Variants in SNX30 observed in about 807,000 individuals in gnomAD.
SNX30 encodes sorting nexin family member 30, also known as sorting nexin-30.
In SNX30, 24 loss-of-function variants were observed where a neutral mutation model predicts 46.4. That is an observed-to-expected ratio of 0.52 (90% CI 0.37 to 0.73). The LOEUF is 0.73. Ranked by LOEUF, SNX30 falls within the 30% of genes least tolerant of loss-of-function variation. The pLI, the probability that SNX30 is intolerant of heterozygous loss-of-function variation, is 0.00. For missense variants in SNX30, 533 were observed against 555.7 expected (o/e 0.96, Z 0.41); for synonymous variants, 189 against 211.5 (o/e 0.89, Z 0.92).
chr9:112,785,382 AGT>A (rs1491229973), intron 1 of SNX30, among the ~76,000 whole-genome samples: 1 of 90,768 alleles, frequency 1.1e-5, no homozygotes, highest in African/African-American at 3.8e-5. Flanking sequence ...TGCCTGGCTA[AGT>A]TTTTTTTTTT....
Position 112,871,789 on chromosome 9 carries a change from A to G in SNX30, c.*2946A>G, listed in dbSNP as rs1841449416. On this transcript the variant is annotated 3_prime_UTR_variant, in exon 9 of 9. Transcript: ENST00000374232. Reference sequence around the variant, plus strand: ...TGTTTAAGAGAGCCTTGTGATTTGTAGCAAGCATGGGCACTGCTTTTTCTT... The same window carrying G: ...TGTTTAAGAGAGCCTTGTGATTTGTGGCAAGCATGGGCACTGCTTTTTCTT... 6.6e-6 allele frequency: 1 copy of G among 152,150 alleles called. No homozygotes were observed. Among genetic ancestry groups the G allele is most frequent in the Admixed American group, 6.5e-5 (1 of 15,268 alleles). 9.4% of individuals were successfully genotyped at this position (152,150 alleles called of 1,614,324 possible).
exon 6 of SNX30, chr9:112,881,659 C>T (rs1396847004): frequency 6.6e-6 from 1 of 152,202 alleles, no homozygotes; most frequent in Non-Finnish European, 1.5e-5. Context: ...ATTCATTAAA[C>T]GAATTCTTTT....
intron 4 of SNX30, among the ~76,000 whole-genome samples, chr9:112,834,867 CACACACACACACACA>C (rs1564285813): frequency 2.2e-5 from 2 of 90,690 alleles, no homozygotes; most frequent in Non-Finnish European, 5.9e-5. Context: ...CACACACACA[CACACACACACACACA>C]CCTACCTCAA....
chr9:112,784,366 A>G (rs1344837216), intron 1 of SNX30, among the ~76,000 whole-genome samples: 1 of 152,188 alleles, frequency 6.6e-6, no homozygotes, highest in Non-Finnish European at 1.5e-5. Context: ...GCTGCTTAAC[A>G]GCCGTTACCT....
At chr9:112,814,788 T>G (rs1170589985) in intron 2 of SNX30, among the ~76,000 whole-genome samples, 1 of 152,254 alleles carries the variant, frequency 6.6e-6, no homozygotes, top group Non-Finnish European at 1.5e-5. Flanking sequence ...TGTACACTTT[T>G]GTCCAGCAAT....
At chr9:112,861,206 T>TCTGGTGATAGCTGGGTGCAGGAA (rs1841223165) in intron 7 of SNX30, among the ~76,000 whole-genome samples, 1 of 152,110 alleles carries the variant, frequency 6.6e-6, no homozygotes, top group Non-Finnish European at 1.5e-5. Flanking sequence ...TAACTGAGGG[T>TCTGGTGATAGCTGGGTGCAGGAA]CTGGTGATAG....
chr9:112,759,278 G>C (rs1033768605), intron 1 of SNX30, among the ~76,000 whole-genome samples: 1 of 152,062 alleles, frequency 6.6e-6, no homozygotes, highest in Admixed American at 6.6e-5. Context: ...CTGCTGCCTA[G>C]TTTCTGACTC....
downstream of SNX30, among the ~76,000 whole-genome samples, chr9:112,876,479 T>C (rs1391715776): frequency 6.6e-6 from 1 of 151,850 alleles, no homozygotes; most frequent in Non-Finnish European, 1.5e-5. Flanking sequence ...TGGAATGAGC[T>C]TAGGTGGTGG....
intron 1 of SNX30, among the ~76,000 whole-genome samples, chr9:112,804,566 G>A (rs1840194253): frequency 6.6e-6 from 1 of 152,240 alleles, no homozygotes; most frequent in East Asian, 1.9e-4. Flanking sequence ...GAATTGGCAT[G>A]AAATTGATTC....
chr9:112,809,468 C>T (rs1409900276), intron 2 of SNX30, among the ~76,000 whole-genome samples: 1 of 151,964 alleles, frequency 6.6e-6, no homozygotes, highest in African/African-American at 2.4e-5. Flanking sequence ...ACTGACAATA[C>T]AGAAGTAGGC....
chr9:112,884,576 G>A (rs1243652198), downstream of SNX30, among the ~76,000 whole-genome samples: 6 of 151,230 alleles, frequency 4.0e-5, no homozygotes, highest in Non-Finnish European at 8.9e-5. Context: ...AGGCTGCACC[G>A]CAGATTAATT....
At chr9:112,841,984 C>T (rs1374758456) in intron 6 of SNX30, among the ~76,000 whole-genome samples, 1 of 152,154 alleles carries the variant, frequency 6.6e-6, no homozygotes, top group Non-Finnish European at 1.5e-5. Flanking sequence ...TGCTCTGTCG[C>T]CCAGGCTGGA....
intron 2 of SNX30, among the ~76,000 whole-genome samples, chr9:112,807,905 GT>G (rs1415408310): frequency 6.6e-6 from 1 of 152,138 alleles, no homozygotes; most frequent in Non-Finnish European, 1.5e-5. Context: ...TTAGAGTAAC[GT>G]TTTCCAAGTT....
chr9:112,807,388 A>G (rs1840245652), intron 2 of SNX30, among the ~76,000 whole-genome samples: 1 of 152,138 alleles, frequency 6.6e-6, no homozygotes, highest in Admixed American at 6.6e-5. Context: ...TTTCTGCAGC[A>G]GGTTCGCATG....
rs1407682350 is a variant in SNX30 at position 112,751,134 on chromosome 9, A to G, written c.133A>G (p.Met45Val). ...CAGCACGCCCAGCCCGGACCTGCTG[A>G]TGGCCCGCAGCTTCGGTGACAAGGT... Reference protein sequence around the residue: ...GDSTPSPDLLMARSFGDKDLI... With the variant: ...GDSTPSPDLLVARSFGDKDLI... Residue 45 changes from methionine to valine, a missense_variant, in exon 1 of 9, where the codon ATG becomes GTG. By Grantham distance (21) the Met-to-Val change is conservative. Coordinates refer to ENST00000374232, the MANE Select transcript of SNX30 (RefSeq NM_001012994.2). 1 of 1,498,634 alleles carries G rather than the reference A, an allele frequency of 6.7e-7. No homozygotes were observed. Among genetic ancestry groups the G allele is most frequent in the African/African-American group, 1.4e-5 (1 of 70,632 alleles). 92.8% of individuals were successfully genotyped at this position (1,498,634 alleles called of 1,614,324 possible). A position where few individuals can be genotyped will look rare whatever the true frequency, so the allele number is the denominator to read the frequency against.
At chr9:112,769,171 G>C (rs1357839311) in intron 1 of SNX30, among the ~76,000 whole-genome samples, 1 of 152,196 alleles carries the variant, frequency 6.6e-6, no homozygotes, top group East Asian at 1.9e-4. Flanking sequence ...GATTCAACAA[G>C]TTCTTTTCTG....
chr9:112,773,555 C>T (rs1409764516), intron 1 of SNX30, among the ~76,000 whole-genome samples: 2 of 152,012 alleles, frequency 1.3e-5, no homozygotes, highest in Non-Finnish European at 1.5e-5. Context: ...GGAATAGGTG[C>T]ATCTTGAGGT....
chr9:112,750,399 G>A (rs898623328), upstream of SNX30: 1 of 152,130 alleles, frequency 6.6e-6, no homozygotes, highest in Non-Finnish European at 1.5e-5. Context: ...AGAAGACCCT[G>A]ACTCACGTGC....
chr9:112,820,442 G>A (rs1325469117), intron 3 of SNX30, among the ~76,000 whole-genome samples: 1 of 152,126 alleles, frequency 6.6e-6, no homozygotes, highest in Non-Finnish European at 1.5e-5. Context: ...AAGGTTATAA[G>A]GAAGACAAAG....
Sources: gnomAD v4.1 joint callset for allele counts (sites outside exome capture counted in the v4.1 genomes callset) on GRCh38, gnomAD v4.1.1 for gene constraint, MANE v1.5 for transcripts, NCBI Gene and HGNC (gene_info 2026-07-23, HGNC 2026-07-21) for gene names.